CHRNE: variants seen among roughly 807,000 people sequenced by gnomAD.
The protein encoded by CHRNE is acetylcholine receptor subunit epsilon.
Under a neutral mutation model 56.5 loss-of-function variants are expected in CHRNE, and 58 were observed. The observed-to-expected ratio is 1.03, with a 90% CI of 0.83 to 1.28. The LOEUF (loss-of-function observed/expected upper bound fraction) is 1.28. Ranked by LOEUF, CHRNE falls within the 50% of genes most tolerant of loss-of-function variation. CHRNE has a pLI of 0.00. For missense variants in CHRNE, 793 were observed against 688.9 expected (o/e 1.15, Z -1.69); for synonymous variants, 385 against 297.9 (o/e 1.29, Z -3.01).
At chr17:4,906,780 T>TAA (rs543014881), upstream of CHRNE, among the ~76,000 whole-genome samples, 1 of 147,178 alleles carries the variant, frequency 6.8e-6, no homozygotes, top group African/African-American at 2.5e-5. Context: ...GAAAACTGTT[T>TAA]AAAAAAAAAA....
Position 4,902,141 on chromosome 17 carries a change from A to ACCC in CHRNE, c.345-57_345-55dup. On this transcript the variant is annotated intron_variant, in intron 4 of 11. Coordinates refer to ENST00000649488, the MANE Select transcript of CHRNE (RefSeq NM_000080.4). The surrounding 1 kb of genome is among the most constrained non-coding windows in gnomAD (Gnocchi z 4.0). ...GCACAGGTCTGCACCCTCTCAGAGT[A>ACCC]CCCCCTTCCCCAACCAAGTCCAGCC... 1 of 1,611,542 alleles carries ACCC rather than the reference A, an allele frequency of 6.2e-7. No individual in the cohort carries two copies. The highest frequency in any genetic ancestry group is 1.1e-5 in the South Asian group (1 of 90,950).
At chr17:4,901,497 G>A (rs779718682) in intron 6 of CHRNE, 28 bp downstream of exon 6, 6 of 1,605,552 alleles carry the variant, frequency 3.7e-6, no homozygotes, top group Non-Finnish European at 5.1e-6. Context: ...TCTAGAAGCG[G>A]GTTTTTCTGA....
At position 4,902,827 on chromosome 17, in the gene CHRNE, C is replaced by T. The variant is rs567373460; in HGVS notation, c.47-64G>A. ...AGAGGCTGGAGCACCTCTCTCCCCTCTGCCTCCCCTGGGTCCTCACAGGCC... is the reference window on the plus strand; with the variant it reads ...AGAGGCTGGAGCACCTCTCTCCCCTTTGCCTCCCCTGGGTCCTCACAGGCC... On this transcript the variant is annotated intron_variant, in intron 1 of 11. Transcript: ENST00000649488. The surrounding 1 kb of genome is among the most constrained non-coding windows in gnomAD (Gnocchi z 4.0). 21 of 1,611,876 alleles carry T rather than the reference C, an allele frequency of 1.3e-5. No individual in the cohort carries two copies. In the African/African-American group the frequency reaches 2.8e-4, roughly 21 times the overall value.
At position 4,898,802 on chromosome 17, in the gene CHRNE, G is replaced by A. The variant is rs145456588; in HGVS notation, c.1416C>T (p.Leu472=). The change falls in exon 12 of 12, where the codon CTC becomes CTT. Residue 472 remains leucine, a synonymous_variant. Transcript: ENST00000649488. The stretch of plus-strand genomic sequence containing the variant: ...GGTTGAAGTAGGCCCCGAGGAAGAT[G>A]AGGCTGGAGCCCACGCTGAAGAGCA... ...ALVLFSVGSS[L]IFLGAYFNRV... is the part of the protein sequence containing the mutation. 2,334 of 1,607,310 alleles carry A rather than the reference G, an allele frequency of 1.5e-3. 4 individuals are homozygous for A. The highest frequency in any genetic ancestry group is 1.4e-3 in the Non-Finnish European group (1,635 of 1,177,442).
At chr17:4,905,754 G>A (rs149543201), upstream of CHRNE, among the ~76,000 whole-genome samples, 324 of 151,620 alleles carry the variant, frequency 2.1e-3, 1 homozygote, top group East Asian at 3.9e-3. Flanking sequence ...CCAGCTACTC[G>A]GGAGGCTGAG....
chr17:4,907,408 A>T (rs925847216), upstream of CHRNE, among the ~76,000 whole-genome samples: 71 of 148,556 alleles, frequency 4.8e-4, no homozygotes, highest in Admixed American at 1.7e-3. Context: ...CTAAAAATTA[A>T]AAAAAAAAAA....
In CHRNE at chr17:4,902,501, A is replaced by G. The variant is rs2151098764; in HGVS notation, c.190-7T>C. 1 of 1,614,064 alleles carries G rather than the reference A, an allele frequency of 6.2e-7. No homozygotes were observed. The highest frequency in any genetic ancestry group is 1.1e-5 in the South Asian group (1 of 91,080). ...GAGTCTCCTCTTTTTCATTCTGCAG[A>G]TGGGAGATGGGGATGATTGAAGTGA... On this transcript the variant is annotated splice_region_variant and splice_polypyrimidine_tract_variant and intron_variant, in intron 2 of 11. Transcript: ENST00000649488. The surrounding 1 kb of genome is among the most constrained non-coding windows in gnomAD (Gnocchi z 4.0).
At chr17:4,899,434 C>T (rs1171543231) in intron 9 of CHRNE, 34 bp downstream of exon 9, 5 of 1,554,140 alleles carry the variant, frequency 3.2e-6, no homozygotes, top group Non-Finnish European at 4.3e-6. Flanking sequence ...AAGCCCCACC[C>T]CGACCCGGGC....
chr17:4,906,539 C>G (rs988537899), upstream of CHRNE, among the ~76,000 whole-genome samples: 1 of 152,008 alleles, frequency 6.6e-6, no homozygotes, highest in Non-Finnish European at 1.5e-5. Context: ...TTTGAATAGA[C>G]GCTTCTCAAA....
intron 8 of CHRNE, chr17:4,900,361 G>A (rs762775466): frequency 1.2e-5 from 18 of 1,548,454 alleles, no homozygotes; most frequent in South Asian, 9.5e-5. Context: ...CAGGGGGTTC[G>A]GCAAGCTGGG....
At chr17:4,908,572 G>C (rs1970118465) in intron 1 of CHRNE, among the ~76,000 whole-genome samples, 1 of 152,204 alleles carries the variant, frequency 6.6e-6, no homozygotes, top group African/African-American at 2.4e-5. Flanking sequence ...GAGACTTCCT[G>C]CCGAGTTAGT....
At position 4,902,123 on chromosome 17, in the gene CHRNE, T is replaced by G. The variant is rs772792493; in HGVS notation, c.345-36A>C. The G allele has an allele frequency of 6.2e-7, 1 of 1,613,454 alleles. No individual in the cohort carries two copies. Among genetic ancestry groups the G allele is most frequent in the South Asian group, 1.1e-5 (1 of 91,062 alleles). On this transcript the variant is annotated intron_variant, in intron 4 of 11. Transcript: ENST00000649488. The surrounding 1 kb of genome is among the most constrained non-coding windows in gnomAD (Gnocchi z 4.0). ...GGGGAAACCGAGCTTTTTGCACAGG[T>G]CTGCACCCTCTCAGAGTACCCCCTT... is the stretch of plus-strand genomic sequence containing the variant.
chr17:4,900,487 T>TA, intron 8 of CHRNE: 3 of 1,550,972 alleles, frequency 1.9e-6, no homozygotes, highest in Non-Finnish European at 2.6e-6. Context: ...CAGCTAGGCC[T>TA]CGGAATCCCC....
rs1359029030 is a variant in CHRNE, at chr17:4,901,145, C to T, written c.647G>A (p.Arg216His). ...GCCGTCGGTGGCGCCACCGTGGTGG[C>T]GGCGGATCACCCCCGGGCAGAAGTC... ...AIDFCPGVIRRHHGGATDGPG... is the reference protein window; with the variant it reads ...AIDFCPGVIRHHHGGATDGPG... Residue 216 changes from arginine to histidine, a missense_variant, in exon 7 of 12, where the codon CGC (arginine) becomes CAC (histidine). Physicochemically the swap from Arg to His is conservative, Grantham distance 29. Coordinates refer to ENST00000649488, the MANE Select transcript of CHRNE (RefSeq NM_000080.4). 7.4e-6 allele frequency: 12 copies of T among 1,611,098 alleles called. No individual in the cohort carries two copies. Among genetic ancestry groups the T allele is most frequent in the South Asian group, 1.1e-5 (1 of 91,082 alleles).
chr17:4,904,215 G>T (rs374810666), upstream of CHRNE, among the ~76,000 whole-genome samples: 10 of 151,768 alleles, frequency 6.6e-5, no homozygotes, highest in East Asian at 5.8e-4. Context: ...AGGGGGTGGG[G>T]GGACAGGATC....
At chr17:4,906,355 C>T (rs938205882), upstream of CHRNE, among the ~76,000 whole-genome samples, 5 of 152,102 alleles carry the variant, frequency 3.3e-5, no homozygotes, top group Admixed American at 2.6e-4. Context: ...TGCCAGGATG[C>T]CATTCTCACT....
Position 4,901,191 on chromosome 17 carries a change from C to T in CHRNE, c.602-1G>A. On this transcript the variant is annotated splice_acceptor_variant, in intron 6 of 11. Transcript: ENST00000649488. LOFTEE classifies it high-confidence loss of function. ...AAGTCGATGGCCCACTCGCCGTTCT[C>T]TGCGGGACGGGGGCACGGTCAGCTG... 6.2e-7 allele frequency: 1 copy of T among 1,602,156 alleles called. No homozygotes were observed.
chr17:4,901,093 C>A lies in CHRNE; in HGVS notation c.699G>T (p.Ser233=). Residue 233 remains serine (S), a synonymous_variant, in exon 7 of 12, where the codon TCG becomes TCT. Coordinates refer to ENST00000649488, the MANE Select transcript of CHRNE (RefSeq NM_000080.4). ...AGAGCGGCTTCCGGCGGATGATGAG[C>A]GAGTAGATGACGTCAGTCTCCCCTG... The part of the protein sequence containing the change: ...DGPGETDVIY[S]LIIRRKPLFY... The A allele has an allele frequency of 2.5e-6, 4 of 1,613,720 alleles. No individual in the cohort carries two copies. In the South Asian group the frequency reaches 4.4e-5, roughly 18 times the overall value.
chr17:4,900,879 G>A lies in CHRNE; in HGVS notation c.831C>T (p.Ile277=), dbSNP rs755170993. The A allele has an allele frequency of 1.2e-5, 19 of 1,614,070 alleles. No individual in the cohort carries two copies. The highest frequency in any genetic ancestry group is 1.5e-5 in the Non-Finnish European group (18 of 1,180,014). Residue 277 remains isoleucine, a synonymous_variant, in exon 8 of 12, where the codon ATC becomes ATT. Coordinates refer to ENST00000649488, the MANE Select transcript of CHRNE (RefSeq NM_000080.4). ...AGACGGTCTGGGCGAGCAGGACGTT[G>A]ATGGAGACCGTGCATTTCTGGCCGC... ...QAGGQKCTVS[I]NVLLAQTVFL...
Sources: gnomAD v4.1 joint callset for allele counts (sites outside exome capture counted in the v4.1 genomes callset) on GRCh38, gnomAD v4.1.1 for gene constraint, Gnocchi (gnomAD v3.1) non-coding constraint, MANE v1.5 for transcripts, NCBI Gene and HGNC (gene_info 2026-07-23, HGNC 2026-07-21) for gene names.